Variants in NHSL1 observed in about 807,000 individuals in gnomAD.
NHSL1 encodes NHS-like protein 1.
NHSL1 carries 48 observed loss-of-function variants against 95.0 expected under a neutral mutation model. The observed-to-expected ratio is 0.51, with a 90% CI of 0.40 to 0.64. The LOEUF (loss-of-function observed/expected upper bound fraction) is 0.64, where lower values mean the gene tolerates loss of function less well. Ranked by LOEUF, NHSL1 falls within the 30% of genes least tolerant of loss-of-function variation. The probability of loss-of-function intolerance (pLI) is 0.00; values close to 1 mark genes in which losing one functional copy is unlikely to be tolerated. For missense variants in NHSL1, 1,971 were observed against 2,077.7 expected, an observed-to-expected ratio of 0.95 and a Z score of 1.00; for synonymous variants, 783 against 833.9, an observed-to-expected ratio of 0.94 and a Z score of 1.05.
At position 138,432,204 on chromosome 6, in the gene NHSL1, C is replaced by T; in HGVS notation, c.2141G>A (p.Gly714Asp). ...LQHSLQLSLP[G>D]KSGSSPSQSP... ...CTGGGAGGGCGAGCTGCCACTCTTG[C>T]CTGGGAGGCTCAGCTGCAGCGAGTG... The change falls in exon 6 of 8, where the codon GGC becomes GAC. Residue 714 changes from glycine (G) to aspartate (D), a missense_variant. Transcript: ENST00000343505. This position sits in a 1 kb window ranked among gnomAD's most constrained non-coding sequence, Gnocchi z 4.4. The T allele has an allele frequency of 2.6e-6, 4 of 1,546,330 alleles. No homozygotes were observed. The highest frequency in any genetic ancestry group is 3.5e-6 in the Non-Finnish European group (4 of 1,143,918).
Position 138,424,402 on chromosome 6 carries a change from G to C in NHSL1, c.4500C>G (p.Ser1500Arg). Residue 1500 changes from serine (S) to arginine (R), a missense_variant, in exon 8 of 8, where the codon AGC (serine) becomes AGG (arginine). By Grantham distance (110) the Ser-to-Arg change is moderately radical. Around this residue, in one of 3 missense-constraint regions of NHSL1, gnomAD observed 223 missense variants for 217.0 expected, o/e 1.03. Transcript: ENST00000343505. This position sits in a 1 kb window ranked among gnomAD's most constrained non-coding sequence, Gnocchi z 5.9. ...TGCTGGCGGCAGAAGGCGGCGTTCG[G>C]CTGCGGCCGTACCTGGGGCCGGAAA... is the stretch of plus-strand genomic sequence containing the variant. ...LSFSGPRYGRSRTPPSAASSR... is the reference protein window; with the variant it reads ...LSFSGPRYGRRRTPPSAASSR... 1 of 1,549,972 alleles carries C rather than the reference G, an allele frequency of 6.5e-7. No individual in the cohort carries two copies.
intron 1 of NHSL1, among the ~76,000 whole-genome samples, chr6:138,665,154 A>C (rs1489996050): frequency 6.6e-6 from 1 of 152,138 alleles, no homozygotes; most frequent in African/African-American, 2.4e-5. Context: ...ATTCAGCGTT[A>C]ATTTCTCAGT....
chr6:138,647,197 T>C (rs183097086), intron 1 of NHSL1, among the ~76,000 whole-genome samples: 3 of 152,144 alleles, frequency 2.0e-5, no homozygotes, highest in Admixed American at 2.0e-4. Context: ...GGGGCGAAAA[T>C]ACAAAACAAA....
intron 2 of NHSL1, among the ~76,000 whole-genome samples, chr6:138,489,046 G>T (rs972730890): frequency 6.6e-6 from 1 of 152,180 alleles, no homozygotes; most frequent in African/African-American, 2.4e-5. Context: ...AGTATTAAGC[G>T]TCTGTCACTG....
chr6:138,434,110 A>G (rs1583154673), intron 5 of NHSL1, among the ~76,000 whole-genome samples: 3 of 152,250 alleles, frequency 2.0e-5, no homozygotes, highest in Admixed American at 2.0e-4. Context: ...TAATTGAACA[A>G]TAGGGCCACA....
rs1212401662 is a variant in NHSL1 at position 138,674,368 on chromosome 6, C to T, written c.96+18108G>A. On this transcript the variant is annotated intron_variant, in intron 1 of 3. Coordinates refer to the NHSL1 transcript ENST00000491526. ...ATGTGCAGGATGTGCAGGTTTGTTA[C>T]GTAGGTAAGCATGTGCCATGGTGGT... Among the ~76,000 whole-genome samples the T allele has an allele frequency of 4.6e-5, 7 of 151,810 alleles. No homozygotes were observed. The South Asian group carries it at 6.2e-4, about 13-fold the overall frequency.
intron 3 of NHSL1, among the ~76,000 whole-genome samples, chr6:138,469,497 G>A (rs911668624): frequency 2.6e-5 from 4 of 152,160 alleles, no homozygotes; most frequent in African/African-American, 9.7e-5. Flanking sequence ...GCCAAAGCAG[G>A]CAGACTGCTT....
intron 2 of NHSL1, among the ~76,000 whole-genome samples, chr6:138,480,750 T>C (rs912626073): frequency 6.6e-6 from 1 of 152,218 alleles, no homozygotes; most frequent in African/African-American, 2.4e-5. Flanking sequence ...ATAGCAGTCA[T>C]GATGTACTGC....
chr6:138,576,661 AG>A (rs1380207002), upstream of NHSL1, among the ~76,000 whole-genome samples: 2 of 152,208 alleles, frequency 1.3e-5, no homozygotes. Flanking sequence ...TAAAAGGCAG[AG>A]CCTCTGTGGA....
rs1467014590 is a variant in NHSL1, at chr6:138,568,471, C to T, written c.202+3239G>A. ...TTACTATAAAGAAGACACTGATTCA[C>T]ACCCTTGATTTGTATGGCTAATTAA... On this transcript the variant is annotated intron_variant, in intron 1 of 6. Transcript: ENST00000427025. Among the ~76,000 whole-genome samples, 4 of 152,354 alleles carry T rather than the reference C, an allele frequency of 2.6e-5. No individual in the cohort carries two copies. The East Asian group carries it at 5.8e-4, about 22-fold the overall frequency.
intron 1 of NHSL1, among the ~76,000 whole-genome samples, chr6:138,567,125 T>C (rs1413089595): frequency 6.6e-6 from 1 of 151,700 alleles, no homozygotes; most frequent in Non-Finnish European, 1.5e-5. Context: ...TGAGACCTAG[T>C]CTTTATGTTT....
chr6:138,442,022 T>C lies in NHSL1; in HGVS notation c.625A>G (p.Thr209Ala), dbSNP rs1262094780. The C allele has an allele frequency of 1.3e-6, 2 of 1,551,360 alleles. No individual in the cohort carries two copies. Among genetic ancestry groups the C allele is most frequent in the East Asian group, 4.9e-5 (2 of 40,920 alleles). Residue 209 changes from threonine (T) to alanine (A), a missense_variant, in exon 5 of 8, where the codon ACT becomes GCT. This residue lies in a region of NHSL1 where 1,602 missense variants were observed against 1,654.5 expected (regional missense o/e 0.97). Coordinates refer to ENST00000343505, the MANE Select transcript of NHSL1 (RefSeq NM_001144060.2). The part of the protein sequence containing the change: ...RRPKKVKRRK[T>A]ITGVPDNIQK... ...ATGTTGTCAGGGACTCCTGTAATAGTCTTTCTCCTTTTGACTTTCTTCGGT... is the reference window on the plus strand; with the variant it reads ...ATGTTGTCAGGGACTCCTGTAATAGCCTTTCTCCTTTTGACTTTCTTCGGT...
intron 1 of NHSL1, among the ~76,000 whole-genome samples, chr6:138,654,699 T>A (rs1785134010): frequency 6.6e-6 from 1 of 152,134 alleles, no homozygotes; most frequent in African/African-American, 2.4e-5. Flanking sequence ...TATTTTGTTT[T>A]TTAAATCCCC....
At chr6:138,569,276 A>C (rs973847054) in intron 1 of NHSL1, among the ~76,000 whole-genome samples, 1 of 151,572 alleles carries the variant, frequency 6.6e-6, no homozygotes, top group African/African-American at 2.4e-5. Flanking sequence ...TGTGTGAGAG[A>C]GAGAGAGAGA....
In NHSL1 at chr6:138,431,604, C is replaced by T. The variant is rs1005201458; in HGVS notation, c.2741G>A (p.Ser914Asn). The T allele has an allele frequency of 2.6e-6, 4 of 1,551,512 alleles. No homozygotes were observed. The East Asian group carries it at 9.8e-5, about 38-fold the overall frequency. Residue 914 changes from serine (S) to asparagine (N), a missense_variant, in exon 6 of 8, where the codon AGT becomes AAT. Around this residue, in one of 3 missense-constraint regions of NHSL1, gnomAD observed 1,602 missense variants for 1,654.5 expected, o/e 0.97. Coordinates refer to ENST00000343505, the MANE Select transcript of NHSL1 (RefSeq NM_001144060.2). The surrounding 1 kb of genome is among the most constrained non-coding windows in gnomAD (Gnocchi z 4.0). ...SLSSSTSTEG[S>N]GTMKKLDPAV... ...TGGATCCAGCTTCTTCATAGTGCCA[C>T]TTCCTTCAGTAGAAGTACTAGAAGA...
At chr6:138,510,733 G>A (rs1024530650) in intron 1 of NHSL1, among the ~76,000 whole-genome samples, 9 of 152,018 alleles carry the variant, frequency 5.9e-5, no homozygotes, top group Non-Finnish European at 1.0e-4. Flanking sequence ...TTTCATATTC[G>A]TTCACTGATT....
Position 138,482,135 on chromosome 6 carries a change from A to G in NHSL1, c.212-8702T>C, listed in dbSNP as rs1381744077. 2.0e-5 allele frequency among the ~76,000 whole-genome samples: 3 copies of G among 152,154 alleles called. No homozygotes were observed. In the East Asian group the frequency reaches 5.8e-4, roughly 29 times the overall value. ...AAAAGGGAAATTTCCTGAAGGGACTAAGTCTTACTTTGCCTTAAAAAAAGA... is the reference window on the plus strand; with the variant it reads ...AAAAGGGAAATTTCCTGAAGGGACTGAGTCTTACTTTGCCTTAAAAAAAGA... On this transcript the variant is annotated intron_variant, in intron 2 of 7. Transcript: ENST00000343505.
Position 138,424,965 on chromosome 6 carries a change from C to T in NHSL1, c.4086-149G>A. The T allele has an allele frequency of 1.4e-6, 1 of 694,544 alleles. No individual in the cohort carries two copies. Among genetic ancestry groups the T allele is most frequent in the South Asian group, 2.0e-5 (1 of 51,258 alleles). The allele number at this position is 694,544 out of a possible 1,614,324, so 43.0% of individuals were successfully genotyped here. A position where few individuals can be genotyped will look rare whatever the true frequency, so the allele number is the denominator to read the frequency against. Reference sequence around the variant, plus strand: ...TTATTTTTGACTGGGCACAGTGGCTCACACCTGTAATCCCAGCATTTTGGG... The same window carrying T: ...TTATTTTTGACTGGGCACAGTGGCTTACACCTGTAATCCCAGCATTTTGGG... On this transcript the variant is annotated intron_variant, in intron 7 of 7. Transcript: ENST00000343505. This position sits in a 1 kb window ranked among gnomAD's most constrained non-coding sequence, Gnocchi z 5.9.
At chr6:138,597,591 A>G (rs2114547165) in intron 1 of NHSL1, among the ~76,000 whole-genome samples, 1 of 152,314 alleles carries the variant, frequency 6.6e-6, no homozygotes, top group Middle Eastern at 3.4e-3. Flanking sequence ...ACCATTTCTG[A>G]AAAATCATAT....
Sources: allele counts gnomAD v4.1 joint callset (sites outside exome capture counted in the v4.1 genomes callset), GRCh38; gene constraint gnomAD v4.1.1; regional missense constraint gnomAD v4.1.1; non-coding constraint Gnocchi (gnomAD v3.1); transcripts MANE v1.5; gene names NCBI Gene and HGNC (gene_info 2026-07-23, HGNC 2026-07-21).